Variants in PAPPA observed in about 807,000 individuals in gnomAD.
PAPPA encodes the protein pappalysin-1.
In PAPPA, 60 loss-of-function variants were observed where a neutral mutation model predicts 164.0. The ratio of observed to expected loss-of-function variants is 0.37; its 90% CI spans 0.30 to 0.45. The LOEUF is 0.45. Among genes scored for constraint, PAPPA ranks in the 20% least tolerant of loss-of-function variants. The pLI is 1.00. For missense variants in PAPPA, 1,782 were observed against 2,087.3 expected (o/e 0.85, Z 2.85); for synonymous variants, 875 against 814.1 (o/e 1.07, Z -1.27).
At chr9:116,363,853 C>A (rs1464549316) in intron 18 of PAPPA, among the ~76,000 whole-genome samples, 1 of 152,142 alleles carries the variant, frequency 6.6e-6, no homozygotes. Flanking sequence ...AAAACACATG[C>A]CCTCAGATAG....
rs758440634 is a variant in PAPPA at position 116,347,106 on chromosome 9, C to T, written c.3861C>T (p.Ile1287=). The change falls in exon 15 of 22, where the codon ATC becomes ATT. Residue 1287 remains isoleucine (I), a synonymous_variant. Coordinates refer to ENST00000328252, the MANE Select transcript of PAPPA (RefSeq NM_002581.5). This position sits in a 1 kb window ranked among gnomAD's most constrained non-coding sequence, Gnocchi z 4.5. ...CCTGTGAGCCAGTCGACTGCAGCAT[C>T]CCAGATCACCATCAAGTCTATGCTG... ...QVACEPVDCS[I]PDHHQVYAAS... is the part of the protein sequence containing the mutation. 3 of 1,614,132 alleles carry T rather than the reference C, an allele frequency of 1.9e-6. No individual in the cohort carries two copies. The highest frequency in any genetic ancestry group is 1.1e-5 in the South Asian group (1 of 91,082).
In PAPPA at chr9:116,390,871, C is replaced by A. The variant is rs532685073; in HGVS notation, c.4777-5638C>A. Among the ~76,000 whole-genome samples, 221 of 152,266 alleles carry A rather than the reference C, an allele frequency of 1.5e-3. 1 individual carries two copies. Among genetic ancestry groups the A allele is most frequent in the African/African-American group, 5.0e-3 (207 of 41,552 alleles). On this transcript the variant is annotated intron_variant, in intron 21 of 21. Coordinates refer to ENST00000328252, the MANE Select transcript of PAPPA (RefSeq NM_002581.5). ...CATTACCTCACTGTCAAAACCATCACCACCATCACCACTAGCATCATCATT... is the reference window on the plus strand; with the variant it reads ...CATTACCTCACTGTCAAAACCATCAACACCATCACCACTAGCATCATCATT...
chr9:116,230,156 A>G (rs1228959834), intron 6 of PAPPA, among the ~76,000 whole-genome samples: 1 of 152,148 alleles, frequency 6.6e-6, no homozygotes, highest in Non-Finnish European at 1.5e-5. Context: ...TAAATTTAGT[A>G]CATGTGCACC....
intron 20 of PAPPA, among the ~76,000 whole-genome samples, chr9:116,379,639 C>T (rs376421736): frequency 2.0e-5 from 3 of 152,136 alleles, no homozygotes; most frequent in Admixed American, 1.3e-4. Flanking sequence ...TGCACAAATA[C>T]GAGACATTTT....
intron 7 of PAPPA, among the ~76,000 whole-genome samples, chr9:116,251,556 G>A (rs1457464333): frequency 3.3e-5 from 5 of 152,146 alleles, no homozygotes; most frequent in Non-Finnish European, 5.9e-5. Context: ...GCTGTCACTG[G>A]GGCCCTCCGT....
chr9:116,323,058 T>C (rs1845879470), intron 10 of PAPPA, among the ~76,000 whole-genome samples: 1 of 152,178 alleles, frequency 6.6e-6, no homozygotes, highest in Admixed American at 6.5e-5. Context: ...GTCCCCTGTG[T>C]GGGAAAATAC....
chr9:116,345,763 T>C (rs1846199552), intron 14 of PAPPA, among the ~76,000 whole-genome samples: 1 of 152,076 alleles, frequency 6.6e-6, no homozygotes, highest in Non-Finnish European at 1.5e-5. Flanking sequence ...CTGCGTGAGA[T>C]TGGTGGTAGT....
chr9:116,306,534 C>A (rs555454550), intron 10 of PAPPA, among the ~76,000 whole-genome samples: 7 of 152,156 alleles, frequency 4.6e-5, no homozygotes, highest in Non-Finnish European at 8.8e-5. Context: ...GGTTGAACAT[C>A]CTATAATAAG....
intron 8 of PAPPA, among the ~76,000 whole-genome samples, chr9:116,269,961 C>A (rs1400363461): frequency 6.6e-6 from 1 of 152,180 alleles, no homozygotes; most frequent in African/African-American, 2.4e-5. Context: ...AATGCCCTAG[C>A]CATCTTAAGG....
At position 116,271,498 on chromosome 9, in the gene PAPPA, T is replaced by G; in HGVS notation, c.2953+82T>G. The G allele has an allele frequency of 1.0e-6, 1 of 960,412 alleles. No individual in the cohort carries two copies. The highest frequency in any genetic ancestry group is 1.7e-6 in the Non-Finnish European group (1 of 590,174). The allele number at this position is 960,412 out of a possible 1,614,324, so 59.5% of individuals were successfully genotyped here. On this transcript the variant is annotated intron_variant, in intron 9 of 21. Coordinates refer to ENST00000328252, the MANE Select transcript of PAPPA (RefSeq NM_002581.5). The surrounding 1 kb of genome is among the most constrained non-coding windows in gnomAD (Gnocchi z 4.2). ...TGGTCAATGATAATGCCAACAATAG[T>G]TATGACTAAATGATGATTCACTCCT... is the stretch of plus-strand genomic sequence containing the variant.
At chr9:116,342,434 G>A (rs547853720) in intron 13 of PAPPA, among the ~76,000 whole-genome samples, 2 of 152,284 alleles carry the variant, frequency 1.3e-5, no homozygotes, top group South Asian at 4.1e-4. Context: ...TTGGAGAACT[G>A]CAAAGCTCCC....
intron 9 of PAPPA, among the ~76,000 whole-genome samples, chr9:116,296,770 G>A (rs774055334): frequency 5.9e-5 from 9 of 152,140 alleles, no homozygotes; most frequent in South Asian, 4.2e-4. Context: ...GGAATTGTTC[G>A]TGTGGAATGT....
At chr9:116,256,163 A>T (rs1441403519) in intron 7 of PAPPA, among the ~76,000 whole-genome samples, 1 of 152,060 alleles carries the variant, frequency 6.6e-6, no homozygotes, top group Non-Finnish European at 1.5e-5. Context: ...ACATGAAAAA[A>T]GTAAACAAGG....
At position 116,374,146 on chromosome 9, in the gene PAPPA, A is replaced by ATGGTGGTGT. The variant is rs10538501; in HGVS notation, c.4606-3423_4606-3422insGTTGGTGGT. Among the ~76,000 whole-genome samples, 189 of 94,816 alleles carry ATGGTGGTGT rather than the reference A, an allele frequency of 2.0e-3. 1 individual carries two copies. Among genetic ancestry groups the ATGGTGGTGT allele is most frequent in the Non-Finnish European group, 4.0e-3 (149 of 37,296 alleles). 62.2% of individuals were successfully genotyped at this position (94,816 alleles called of 152,430 possible). On this transcript the variant is annotated intron_variant, in intron 19 of 21. Coordinates refer to ENST00000328252, the MANE Select transcript of PAPPA (RefSeq NM_002581.5). ...TGATAAAAAGAAGATGGTGCAGATG[A>ATGGTGGTGT]TGGTGGTAGTGTTGGTGGTGGTGTT...
intron 19 of PAPPA, among the ~76,000 whole-genome samples, chr9:116,372,947 T>A (rs1846594698): frequency 6.6e-6 from 1 of 152,220 alleles, no homozygotes; most frequent in Non-Finnish European, 1.5e-5. Flanking sequence ...GTGGCAGAAT[T>A]AGCTAGCTAA....
Position 116,402,226 on chromosome 9 carries a change from AAAT to A in PAPPA, c.*5617_*5619del, listed in dbSNP as rs1160299047. 2 of 152,636 alleles carry A rather than the reference AAAT, an allele frequency of 1.3e-5. No individual in the cohort carries two copies. The highest frequency in any genetic ancestry group is 4.8e-5 in the African/African-American group (2 of 41,460). The allele number at this position is 152,636 out of a possible 1,614,324, so 9.5% of individuals were successfully genotyped here. A position where few individuals can be genotyped will look rare whatever the true frequency, so the allele number is the denominator to read the frequency against. On this transcript the variant is annotated 3_prime_UTR_variant, in exon 22 of 22. Transcript: ENST00000328252. ...ATCTCAATTACAGGTTGGATCTCAC[AAAT>A]AATAATGTCAGAGACAGAAATATTT...
rs570712795 is a variant in PAPPA, at chr9:116,188,131, C to T, written c.1393C>T (p.Arg465Trp). ...GVCDMDCNYE[R>W]FNFDGGECCD... ...GTGTGACATGGACTGCAACTATGAA[C>T]GGTTCAACTTTGATGGTGGAGAGTG... is the stretch of plus-strand genomic sequence containing the variant. Residue 465 changes from arginine to tryptophan, a missense_variant, in exon 2 of 22, where the codon CGG (arginine) becomes TGG (tryptophan). Physicochemically the swap from Arg to Trp is moderately radical, Grantham distance 101. Coordinates refer to ENST00000328252, the MANE Select transcript of PAPPA (RefSeq NM_002581.5). 25 of 1,614,206 alleles carry T rather than the reference C, an allele frequency of 1.5e-5. No individual in the cohort carries two copies. The highest frequency in any genetic ancestry group is 5.3e-5 in the African/African-American group (4 of 75,048).
chr9:116,224,139 A>G (rs1349520635), intron 5 of PAPPA, among the ~76,000 whole-genome samples: 1 of 152,186 alleles, frequency 6.6e-6, no homozygotes, highest in Non-Finnish European at 1.5e-5. Flanking sequence ...TCTGTGGTCT[A>G]AGAGAATACA....
At chr9:116,356,438 C>A (rs1370639866) in intron 17 of PAPPA, among the ~76,000 whole-genome samples, 4 of 152,212 alleles carry the variant, frequency 2.6e-5, no homozygotes, top group Admixed American at 2.6e-4. Flanking sequence ...AACTAGCCTG[C>A]TTTAAGGTCA....
Sources: gnomAD v4.1 joint callset for allele counts (sites outside exome capture counted in the v4.1 genomes callset) on GRCh38, gnomAD v4.1.1 for gene constraint, Gnocchi (gnomAD v3.1) non-coding constraint, MANE v1.5 for transcripts, NCBI Gene and HGNC (gene_info 2026-07-23, HGNC 2026-07-21) for gene names.